KAZN: variants seen among roughly 807,000 people sequenced by gnomAD.
The protein encoded by KAZN is kazrin.
A neutral mutation model predicts 87.4 loss-of-function variants in KAZN; 40 were observed. The ratio of observed to expected loss-of-function variants is 0.46; its 90% CI spans 0.36 to 0.60. KAZN has a LOEUF of 0.60. Ranked by LOEUF, KAZN falls within the 20% of genes least tolerant of loss-of-function variation. The pLI, the probability that KAZN is intolerant of heterozygous loss-of-function variation, is 0.00. For synonymous variants in KAZN, 466 were observed against 458.3 expected, an observed-to-expected ratio of 1.02 and a Z score of -0.22; for missense variants, 898 against 1,073.9, an observed-to-expected ratio of 0.84 and a Z score of 2.29.
chr1:14,941,116 C>T (rs900655236), intron 1 of KAZN, among the ~76,000 whole-genome samples: 2 of 151,888 alleles, frequency 1.3e-5, no homozygotes, highest in African/African-American at 4.8e-5. Flanking sequence ...TGGGGTTTCA[C>T]TATATGTTGG....
At chr1:14,747,727 A>T (rs1343372206) in intron 1 of KAZN, among the ~76,000 whole-genome samples, 1 of 152,224 alleles carries the variant, frequency 6.6e-6, no homozygotes, top group Non-Finnish European at 1.5e-5. Flanking sequence ...TATACTCAGG[A>T]GTGGAACTGC....
At chr1:14,301,953 C>T (rs6670708) in intron 2 of KAZN, among the ~76,000 whole-genome samples, 70,508 of 151,956 alleles carry the variant, frequency 0.46, 16,982 homozygotes, top group African/African-American at 0.6. Flanking sequence ...ATTTTAGTTA[C>T]TTTTATACTT....
intron 1 of KAZN, among the ~76,000 whole-genome samples, chr1:14,784,876 C>T (rs1041182257): frequency 6.6e-6 from 1 of 152,000 alleles, no homozygotes; most frequent in Non-Finnish European, 1.5e-5. Flanking sequence ...ATCACCATGT[C>T]TGAGAATAGC....
chr1:14,074,590 TGGG>T lies in KAZN; in HGVS notation c.92-105841_92-105839del, dbSNP rs144643258. On this transcript the variant is annotated intron_variant, in intron 1 of 16. Coordinates refer to the KAZN transcript ENST00000636203. ...AGCTGTGGGAGGGTGCAGGGAGAGT[TGGG>T]GGGCACATCTGGGAGGGGACTAGAG... Among the ~76,000 whole-genome samples the T allele has an allele frequency of 5.4e-3, 825 of 152,016 alleles. 3 individuals carry two copies. The highest frequency in any genetic ancestry group is 0.019 in the African/African-American group (791 of 41,442).
At chr1:14,354,944 A>G (rs1288003484) in intron 2 of KAZN, among the ~76,000 whole-genome samples, 1 of 152,260 alleles carries the variant, frequency 6.6e-6, no homozygotes, top group Non-Finnish European at 1.5e-5. Context: ...TGTTAACAAC[A>G]TAGATCTTCA....
chr1:14,086,313 G>A (rs927264335), intron 1 of KAZN, among the ~76,000 whole-genome samples: 2 of 152,090 alleles, frequency 1.3e-5, no homozygotes, highest in African/African-American at 4.8e-5. Flanking sequence ...TATTAAGCCT[G>A]GCAGGCATTA....
chr1:14,468,824 C>T (rs988217448), intron 2 of KAZN, among the ~76,000 whole-genome samples: 2 of 152,168 alleles, frequency 1.3e-5, no homozygotes, highest in Non-Finnish European at 2.9e-5. Context: ...GGGTAGGCAT[C>T]GTCAACCGTT....
intron 2 of KAZN, among the ~76,000 whole-genome samples, chr1:14,396,509 C>T (rs1463771190): frequency 6.6e-6 from 1 of 152,194 alleles, no homozygotes; most frequent in African/African-American, 2.4e-5. Context: ...CAATGCCCAC[C>T]CGTCAGACTC....
chr1:14,182,799 T>C (rs1176525319), intron 2 of KAZN, among the ~76,000 whole-genome samples: 2 of 152,222 alleles, frequency 1.3e-5, no homozygotes, highest in African/African-American at 4.8e-5. Flanking sequence ...ATGATTGTAC[T>C]CATTTTCATA....
At chr1:15,104,640 A>G (rs568158596) in intron 13 of KAZN, among the ~76,000 whole-genome samples, 20 of 152,156 alleles carry the variant, frequency 1.3e-4, no homozygotes, top group Admixed American at 5.9e-4. Flanking sequence ...AGGTAAGCAG[A>G]CCACATCAGC....
At chr1:14,943,070 GTTTT>G (rs61100647) in intron 1 of KAZN, among the ~76,000 whole-genome samples, 1 of 119,134 alleles carries the variant, frequency 8.4e-6, no homozygotes, top group Non-Finnish European at 1.7e-5. Context: ...AGAGCCTTGG[GTTTT>G]TTTTTTTTTT....
intron 8 of KAZN, among the ~76,000 whole-genome samples, chr1:15,076,352 C>T (rs958990808): frequency 6.6e-6 from 1 of 152,216 alleles, no homozygotes; most frequent in Non-Finnish European, 1.5e-5. Context: ...CGGCCTCCTA[C>T]AGGGAGGGGC....
intron 1 of KAZN, among the ~76,000 whole-genome samples, chr1:14,072,052 T>G (rs1309442896): frequency 6.6e-6 from 1 of 152,174 alleles, no homozygotes; most frequent in Non-Finnish European, 1.5e-5. Flanking sequence ...TCCCAGCAAG[T>G]TCTAACTTTG....
At chr1:15,038,800 C>T (rs1672609538) in intron 3 of KAZN, among the ~76,000 whole-genome samples, 1 of 99,894 alleles carries the variant, frequency 1.0e-5, no homozygotes, top group South Asian at 2.5e-4. Context: ...TTACCAACAG[C>T]AGACATTTAT....
chr1:14,533,167 G>A (rs768942975), intron 2 of KAZN, among the ~76,000 whole-genome samples: 3 of 152,078 alleles, frequency 2.0e-5, no homozygotes, highest in South Asian at 2.1e-4. Context: ...TTTATACTTC[G>A]TAGAATCCTT....
chr1:14,452,043 G>A (rs745494876), intron 2 of KAZN, among the ~76,000 whole-genome samples: 2 of 152,118 alleles, frequency 1.3e-5, no homozygotes, highest in African/African-American at 4.8e-5. Flanking sequence ...GGATTCTAGC[G>A]ATTCTCCTGC....
chr1:14,104,341 C>T (rs1347960106), intron 1 of KAZN, among the ~76,000 whole-genome samples: 1 of 152,182 alleles, frequency 6.6e-6, no homozygotes, highest in East Asian at 1.9e-4. Flanking sequence ...AGCTTCTTAG[C>T]CAAGCGGTTA....
At chr1:13,940,897 A>G (rs546958570) in intron 1 of KAZN, among the ~76,000 whole-genome samples, 1 of 152,320 alleles carries the variant, frequency 6.6e-6, no homozygotes, top group Admixed American at 6.5e-5. Context: ...CTATAATATT[A>G]AATGGGAAAA....
chr1:13,950,313 C>G (rs1254556230), intron 1 of KAZN, among the ~76,000 whole-genome samples: 3 of 152,312 alleles, frequency 2.0e-5, no homozygotes, highest in East Asian at 3.9e-4. Flanking sequence ...CTTCTGGCAT[C>G]CCACATTGCC....
Sources: gnomAD v4.1 joint callset for allele counts (sites outside exome capture counted in the v4.1 genomes callset) on GRCh38, gnomAD v4.1.1 for gene constraint, MANE v1.5 for transcripts, NCBI Gene and HGNC (gene_info 2026-07-23, HGNC 2026-07-21) for gene names.